Variants in PPP1R9A observed in about 807,000 individuals in gnomAD.
PPP1R9A encodes the protein protein phosphatase 1 regulatory subunit 9A.
In PPP1R9A, 59 loss-of-function variants were observed where a neutral mutation model predicts 141.9. The ratio of observed to expected loss-of-function variants is 0.42; its 90% CI spans 0.34 to 0.52. The LOEUF (loss-of-function observed/expected upper bound fraction) is 0.52. Ranked by LOEUF, PPP1R9A falls within the 20% of genes least tolerant of loss-of-function variation. The pLI, the probability that PPP1R9A is intolerant of heterozygous loss-of-function variation, is 0.10. For missense variants in PPP1R9A, 1,444 were observed against 1,611.9 expected (o/e 0.90, Z 1.78); for synonymous variants, 500 against 569.7 (o/e 0.88, Z 1.74).
Position 95,291,718 on chromosome 7 carries a change from C to G in PPP1R9A, c.*1415C>G, listed in dbSNP as rs979903069. The stretch of plus-strand genomic sequence containing the variant: ...ATGAGGTTATCCACTTTCCAAAGGA[C>G]AAGTTTCAGAATAAGACTTGAGGCC... On this transcript the variant is annotated 3_prime_UTR_variant, in exon 20 of 20. Coordinates refer to ENST00000433360, the MANE Select transcript of PPP1R9A (RefSeq NM_001166160.2). 1 of 152,274 alleles carries G rather than the reference C, an allele frequency of 6.6e-6. No individual in the cohort carries two copies. Among genetic ancestry groups the G allele is most frequent in the East Asian group, 1.9e-4 (1 of 5,186 alleles). The allele number at this position is 152,274 out of a possible 1,614,324, so 9.4% of individuals were successfully genotyped here.
chr7:94,963,436 A>C (rs1221670484), intron 2 of PPP1R9A, among the ~76,000 whole-genome samples: 1 of 152,142 alleles, frequency 6.6e-6, no homozygotes, highest in African/African-American at 2.4e-5. Context: ...CAATTTTAGA[A>C]ATTTCCATCA....
At chr7:95,050,532 A>G (rs1810644266) in intron 2 of PPP1R9A, among the ~76,000 whole-genome samples, 1 of 151,988 alleles carries the variant, frequency 6.6e-6, no homozygotes, top group South Asian at 2.1e-4. Context: ...GTTCCAAACC[A>G]GCCTGACCAA....
intron 8 of PPP1R9A, among the ~76,000 whole-genome samples, chr7:95,237,885 C>A (rs1052738822): frequency 1.3e-5 from 2 of 151,924 alleles, no homozygotes; most frequent in Admixed American, 6.6e-5. Context: ...TGTATGCCAC[C>A]TTATTTCATA....
chr7:95,045,748 C>T (rs1029330178), intron 2 of PPP1R9A, among the ~76,000 whole-genome samples: 4 of 152,098 alleles, frequency 2.6e-5, no homozygotes, highest in African/African-American at 9.7e-5. Flanking sequence ...GGGGAGCCCT[C>T]TTCTGCCCTG....
chr7:95,290,198 A>G lies in PPP1R9A; in HGVS notation c.4020A>G (p.Lys1340=), dbSNP rs1210397070. Residue 1340 remains lysine (K), a synonymous_variant, in exon 20 of 20, where the codon AAA becomes AAG. Transcript: ENST00000433360. ...GGAAGGCCCAAGAGAAAATGGAAAA[A>G]CAAAGAGAAAAGCTAAGGAGAAAGG... ...KARKAQEKME[K]QREKLRRKEQ... is the part of the protein sequence containing the mutation. 18 of 1,613,810 alleles carry G rather than the reference A, an allele frequency of 1.1e-5. No individual in the cohort carries two copies. The highest frequency in any genetic ancestry group is 1.4e-5 in the Non-Finnish European group (17 of 1,179,966).
At chr7:95,134,497 C>T (rs1251546413) in intron 4 of PPP1R9A, among the ~76,000 whole-genome samples, 13 of 152,134 alleles carry the variant, frequency 8.5e-5, no homozygotes, top group Non-Finnish European at 1.5e-4. Context: ...AGTGCAATGG[C>T]GTGATCTCGG....
intron 4 of PPP1R9A, among the ~76,000 whole-genome samples, chr7:95,129,375 C>A (rs554085961): frequency 6.6e-6 from 1 of 152,298 alleles, no homozygotes; most frequent in East Asian, 1.9e-4. Context: ...TTGTCTGCCG[C>A]CATGTGAGAT....
chr7:95,100,083 G>A (rs1818560802), intron 2 of PPP1R9A, among the ~76,000 whole-genome samples: 1 of 151,948 alleles, frequency 6.6e-6, no homozygotes, highest in African/African-American at 2.4e-5. Flanking sequence ...GTATGTGTGT[G>A]CATGTATGTA....
chr7:95,139,858 A>G lies in PPP1R9A; in HGVS notation c.1649+19026A>G, dbSNP rs928056969. On this transcript the variant is annotated intron_variant, in intron 4 of 19. Coordinates refer to ENST00000433360, the MANE Select transcript of PPP1R9A (RefSeq NM_001166160.2). ...AAAAACCCTGAAGCTTTGACTCCCAACCTCATCATGAGTAAGCTTAATCTG... is the reference window on the plus strand; with the variant it reads ...AAAAACCCTGAAGCTTTGACTCCCAGCCTCATCATGAGTAAGCTTAATCTG... Among the ~76,000 whole-genome samples the G allele has an allele frequency of 3.3e-5, 5 of 151,890 alleles. No individual in the cohort carries two copies. The Middle Eastern group carries it at 0.01, about 310-fold the overall frequency.
intron 5 of PPP1R9A, among the ~76,000 whole-genome samples, chr7:95,173,406 G>A (rs1211161766): frequency 4.6e-5 from 7 of 151,626 alleles, no homozygotes; most frequent in Non-Finnish European, 1.0e-4. Flanking sequence ...TAACAAATCT[G>A]CATATATACC....
intron 2 of PPP1R9A, among the ~76,000 whole-genome samples, chr7:94,968,006 G>A (rs981748793): frequency 1.3e-5 from 2 of 152,144 alleles, no homozygotes; most frequent in African/African-American, 4.8e-5. Flanking sequence ...TACTGACTGT[G>A]AAGTGTTCAA....
chr7:95,070,625 A>ATG (rs1214224610), intron 2 of PPP1R9A, among the ~76,000 whole-genome samples: 14 of 87,232 alleles, frequency 1.6e-4, no homozygotes, highest in African/African-American at 4.7e-4. Context: ...ACACACACAC[A>ATG]TATATATAAG....
intron 2 of PPP1R9A, among the ~76,000 whole-genome samples, chr7:95,041,258 A>G (rs1317948274): frequency 1.3e-5 from 2 of 152,156 alleles, no homozygotes; most frequent in African/African-American, 2.4e-5. Flanking sequence ...TTTCTTCTCC[A>G]AGGTTTTTAG....
intron 2 of PPP1R9A, among the ~76,000 whole-genome samples, chr7:95,009,397 G>C (rs1334300317): frequency 6.6e-6 from 1 of 152,182 alleles, no homozygotes. Flanking sequence ...CTAGCATCCA[G>C]GTGTGCTGGG....
chr7:95,149,787 A>T (rs1200027565), intron 4 of PPP1R9A, among the ~76,000 whole-genome samples: 1 of 114,364 alleles, frequency 8.7e-6, no homozygotes, highest in African/African-American at 2.7e-5. Flanking sequence ...TCCCTACTTA[A>T]TCTAAAGATT....
At chr7:94,997,782 C>T (rs1171509266) in intron 2 of PPP1R9A, among the ~76,000 whole-genome samples, 1 of 152,110 alleles carries the variant, frequency 6.6e-6, no homozygotes, top group East Asian at 1.9e-4. Flanking sequence ...AGTACTCAGC[C>T]CTACAAACTC....
chr7:95,190,416 T>A (rs528113354), intron 5 of PPP1R9A, among the ~76,000 whole-genome samples: 2 of 152,340 alleles, frequency 1.3e-5, no homozygotes, highest in East Asian at 3.9e-4. Flanking sequence ...GTACCTGCTC[T>A]GGTGGAGTTG....
intron 2 of PPP1R9A, among the ~76,000 whole-genome samples, chr7:94,996,306 G>T (rs182838305): frequency 1.3e-5 from 2 of 152,000 alleles, no homozygotes; most frequent in Non-Finnish European, 2.9e-5. Context: ...CATAAAAGAC[G>T]TTGATAAATT....
intron 2 of PPP1R9A, among the ~76,000 whole-genome samples, chr7:94,986,859 G>T (rs893286241): frequency 2.6e-5 from 4 of 152,158 alleles, no homozygotes; most frequent in African/African-American, 9.6e-5. Flanking sequence ...ACTTTGTTTT[G>T]TCTTTTTTAT....
Sources: gnomAD v4.1 joint callset for allele counts (sites outside exome capture counted in the v4.1 genomes callset) on GRCh38, gnomAD v4.1.1 for gene constraint, MANE v1.5 for transcripts, NCBI Gene and HGNC (gene_info 2026-07-23, HGNC 2026-07-21) for gene names.